CSNK2A2: variants seen among roughly 807,000 people sequenced by gnomAD.
CSNK2A2 encodes the protein casein kinase 2 alpha 2, also known as casein kinase II subunit alpha'.
In CSNK2A2, 8 loss-of-function variants were observed where a neutral mutation model predicts 54.0. The observed-to-expected ratio is 0.15, with a 90% confidence interval of 0.09 to 0.27. The LOEUF (loss-of-function observed/expected upper bound fraction) is 0.27, where lower values mean the gene tolerates loss of function less well. Among genes scored for constraint, CSNK2A2 ranks in the 10% least tolerant of loss-of-function variants. The probability of loss-of-function intolerance (pLI) is 1.00; values close to 1 mark genes in which losing one functional copy is unlikely to be tolerated. For synonymous variants in CSNK2A2, 141 were observed against 153.9 expected, an observed-to-expected ratio of 0.92 and a Z score of 0.62; for missense variants, 242 against 439.4, an observed-to-expected ratio of 0.55 and a Z score of 4.02.
chr16:58,197,408 T>C lies in CSNK2A2; in HGVS notation c.104+225A>G, dbSNP rs375935688. 3.3e-5 allele frequency among the ~76,000 whole-genome samples: 5 copies of C among 152,236 alleles called. No individual in the cohort carries two copies. The East Asian group carries it at 9.7e-4, about 29-fold the overall frequency. On this transcript the variant is annotated intron_variant, in intron 1 of 11. Transcript: ENST00000262506. This position sits in a 1 kb window ranked among gnomAD's most constrained non-coding sequence, Gnocchi z 4.0. ...ACACTTCTCCCCGAGTAAAAAAGCA[T>C]TCCTTGGGGGAAAGGGGTGCGCAAA...
At chr16:58,184,526 G>A (rs1206884033) in intron 3 of CSNK2A2, among the ~76,000 whole-genome samples, 1 of 152,240 alleles carries the variant, frequency 6.6e-6, no homozygotes, top group Non-Finnish European at 1.5e-5. Flanking sequence ...AGTGGTGGGA[G>A]TATAGATGAA....
chr16:58,196,269 G>A (rs1962441628), intron 2 of CSNK2A2, among the ~76,000 whole-genome samples: 1 of 152,198 alleles, frequency 6.6e-6, no homozygotes, highest in African/African-American at 2.4e-5. Flanking sequence ...AAGTTCATGG[G>A]AAAATGGGGT....
At position 58,171,979 on chromosome 16, in the gene CSNK2A2, A is replaced by ATATATAT. The variant is rs1261137669; in HGVS notation, c.429+2471_429+2472insATATATA. On this transcript the variant is annotated intron_variant, in intron 5 of 11. Coordinates refer to ENST00000262506, the MANE Select transcript of CSNK2A2 (RefSeq NM_001896.4). ...CATGCATATATATATATATATATAT[A>ATATATAT]TTTTTTTTTTTTTTTTTTTTTTGGT... Among the ~76,000 whole-genome samples the ATATATAT allele has an allele frequency of 1.5e-3, 96 of 66,194 alleles. 1 individual carries two copies. Among genetic ancestry groups the ATATATAT allele is most frequent in the Non-Finnish European group, 2.0e-3 (82 of 40,248 alleles). The allele number at this position is 66,194 out of a possible 152,430, so 43.4% of individuals were successfully genotyped here.
chr16:58,173,205 G>T (rs1961785274), intron 5 of CSNK2A2, among the ~76,000 whole-genome samples: 1 of 152,176 alleles, frequency 6.6e-6, no homozygotes, highest in Admixed American at 6.5e-5. Context: ...GATAAATCAA[G>T]CTCGACCTTT....
chr16:58,180,655 T>A (rs1023889189), intron 4 of CSNK2A2, among the ~76,000 whole-genome samples: 2 of 152,100 alleles, frequency 1.3e-5, no homozygotes, highest in African/African-American at 4.8e-5. Flanking sequence ...AGTATAACCT[T>A]GATAGCAAAC....
At chr16:58,165,117 CACTT>C (rs1421262503) in intron 10 of CSNK2A2, among the ~76,000 whole-genome samples, 2 of 152,258 alleles carry the variant, frequency 1.3e-5, no homozygotes, top group African/African-American at 2.4e-5. Context: ...GGCCTCTCCA[CACTT>C]ACTTCCCTTT....
At chr16:58,174,535 A>G in intron 4 of CSNK2A2, 25 bp from the exon 5 acceptor site, 2 of 1,599,490 alleles carry the variant, frequency 1.3e-6, no homozygotes, top group Non-Finnish European at 1.7e-6. Flanking sequence ...AGAAAACAGA[A>G]AGTTAATTTA....
At chr16:58,167,176 A>C in intron 8 of CSNK2A2, 31 bp downstream of exon 8, 1 of 1,557,392 alleles carries the variant, frequency 6.4e-7, no homozygotes, top group South Asian at 1.2e-5. Context: ...TTCACCCCCA[A>C]ATAAATAAGA....
At chr16:58,186,658 T>A in intron 3 of CSNK2A2, 97 bp downstream of exon 3, 3 of 813,234 alleles carry the variant, frequency 3.7e-6, no homozygotes, top group Non-Finnish European at 5.9e-6. Context: ...AACACCACCA[T>A]CCCCACTGTA....
rs766406278 is a variant in CSNK2A2, at chr16:58,165,498, A to G, written c.976+62T>C. Reference sequence around the variant, plus strand: ...ATTCTCCTGACTGGTCTCAAAGACAAAGAGTGGAAGATTTGTTCTCTTGAC... The same window carrying G: ...ATTCTCCTGACTGGTCTCAAAGACAGAGAGTGGAAGATTTGTTCTCTTGAC... On this transcript the variant is annotated intron_variant, in intron 10 of 11. Coordinates refer to ENST00000262506, the MANE Select transcript of CSNK2A2 (RefSeq NM_001896.4). The G allele has an allele frequency of 6.6e-5, 98 of 1,476,080 alleles. 1 individual carries two copies. The Middle Eastern group carries it at 7.2e-4, about 11-fold the overall frequency. 91.4% of individuals were successfully genotyped at this position (1,476,080 alleles called of 1,614,324 possible). A position where few individuals can be genotyped will look rare whatever the true frequency, so the allele number is the denominator to read the frequency against.
intron 4 of CSNK2A2, among the ~76,000 whole-genome samples, chr16:58,183,296 G>C (rs1310630256): frequency 6.6e-6 from 1 of 151,500 alleles, no homozygotes; most frequent in African/African-American, 2.4e-5. Context: ...AGAATCGCTT[G>C]AACCCGGGAG....
intron 11 of CSNK2A2, among the ~76,000 whole-genome samples, chr16:58,158,691 G>C (rs1202851916): frequency 1.3e-5 from 2 of 152,188 alleles, no homozygotes; most frequent in Admixed American, 1.3e-4. Context: ...TGACCATTCT[G>C]TGCCAGTCAA....
At position 58,186,767 on chromosome 16, in the gene CSNK2A2, T is replaced by C. The variant is rs1223861556; in HGVS notation, c.306A>G (p.Val102=). The change falls in exon 3 of 12, where the codon GTA becomes GTG. Residue 102 remains valine, a synonymous_variant. Transcript: ENST00000262506. Reference sequence around the variant, plus strand: ...ATTTGGCACCTACCACGGGGTCCTTTACAGTGTCAATCAGCTTAATGATAT... The same window carrying C: ...ATTTGGCACCTACCACGGGGTCCTTCACAGTGTCAATCAGCTTAATGATAT... ...GTNIIKLIDT[V]KDPVSKTPAL... is the part of the protein sequence containing the mutation. 7 of 1,613,818 alleles carry C rather than the reference T, an allele frequency of 4.3e-6. No individual in the cohort carries two copies. In the African/African-American group the frequency reaches 6.7e-5, roughly 15 times the overall value.
intron 2 of CSNK2A2, among the ~76,000 whole-genome samples, chr16:58,188,454 G>T (rs1487342851): frequency 1.3e-5 from 2 of 152,222 alleles, no homozygotes; most frequent in African/African-American, 4.8e-5. Context: ...CGGCCTGTAA[G>T]ATCAAACACG....
intron 11 of CSNK2A2, chr16:58,162,643 A>G (rs1961417760): frequency 6.6e-6 from 1 of 152,192 alleles, no homozygotes; most frequent in Admixed American, 6.5e-5. Flanking sequence ...TTAAAGGGTG[A>G]TGTGGTAGAC....
intron 2 of CSNK2A2, among the ~76,000 whole-genome samples, chr16:58,190,445 A>C (rs1567473119): frequency 6.6e-6 from 1 of 152,216 alleles, no homozygotes; most frequent in African/African-American, 2.4e-5. Flanking sequence ...CAGAGTAAAA[A>C]GAAAGTTCAG....
At chr16:58,161,570 C>CACACAGACACACACACAG (rs1961372443) in intron 11 of CSNK2A2, 1 of 149,950 alleles carries the variant, frequency 6.7e-6, no homozygotes, top group African/African-American at 2.5e-5. Flanking sequence ...CAGACACACA[C>CACACAGACACACACACAG]ACAGACACAC....
rs1329174770 is a variant in CSNK2A2 at position 58,197,865 on chromosome 16, C to A, written c.-129G>T. On this transcript the variant is annotated 5_prime_UTR_variant, in exon 1 of 12. Coordinates refer to ENST00000262506, the MANE Select transcript of CSNK2A2 (RefSeq NM_001896.4). This position sits in a 1 kb window ranked among gnomAD's most constrained non-coding sequence, Gnocchi z 4.0. ...TGGAGGAGGAGGAGGAGGAGCGCGGCGGCGGGCGGCCGCGCCAGGCCGGGC... is the reference window on the plus strand; with the variant it reads ...TGGAGGAGGAGGAGGAGGAGCGCGGAGGCGGGCGGCCGCGCCAGGCCGGGC... The A allele has an allele frequency of 9.0e-6, 1 of 111,114 alleles. No individual in the cohort carries two copies. The highest frequency in any genetic ancestry group is 1.8e-5 in the Non-Finnish European group (1 of 56,560). The allele number at this position is 111,114 out of a possible 1,614,324, so 6.9% of individuals were successfully genotyped here.
chr16:58,189,233 G>A (rs1462269235), intron 2 of CSNK2A2, among the ~76,000 whole-genome samples: 3 of 152,184 alleles, frequency 2.0e-5, no homozygotes, highest in African/African-American at 7.2e-5. Context: ...TGGGATTACA[G>A]GCATGAGCAA....
Sources: allele counts gnomAD v4.1 joint callset (sites outside exome capture counted in the v4.1 genomes callset), GRCh38; gene constraint gnomAD v4.1.1; non-coding constraint Gnocchi (gnomAD v3.1); transcripts MANE v1.5; gene names NCBI Gene and HGNC (gene_info 2026-07-23, HGNC 2026-07-21).